The following NRXN3 variants were observed in gnomAD, a reference collection of about 807,000 sequenced individuals.
NRXN3 encodes the protein neurexin 3.
In NRXN3, 32 loss-of-function variants were observed where a neutral mutation model predicts 137.6. The ratio of observed to expected loss-of-function variants is 0.23; its 90% CI spans 0.18 to 0.31. The LOEUF is 0.31. NRXN3 is among the 10% of genes least tolerant of loss of function. The probability of loss-of-function intolerance (pLI) is 1.00; values close to 1 mark genes in which losing one functional copy is unlikely to be tolerated. For synonymous variants in NRXN3, 798 were observed against 784.5 expected, an observed-to-expected ratio of 1.02 and a Z score of -0.29; for missense variants, 1,574 against 2,062.5, an observed-to-expected ratio of 0.76 and a Z score of 4.59.
chr14:79,730,890 C>T (rs2098919648), intron 19 of NRXN3, among the ~76,000 whole-genome samples: 1 of 152,136 alleles, frequency 6.6e-6, no homozygotes, highest in African/African-American at 2.4e-5. Context: ...TATCTCATCT[C>T]CCTGTAAAGG....
chr14:79,437,857 C>T (rs2095868985), intron 15 of NRXN3, among the ~76,000 whole-genome samples: 1 of 152,148 alleles, frequency 6.6e-6, no homozygotes, highest in Non-Finnish European at 1.5e-5. Context: ...ATGCTGTCCT[C>T]AAATGTAAAA....
chr14:78,345,868 A>C (rs2082674648), intron 4 of NRXN3, among the ~76,000 whole-genome samples: 1 of 152,166 alleles, frequency 6.6e-6, no homozygotes, highest in South Asian at 2.1e-4. Context: ...GGAGGGAGCA[A>C]AGTGCTGCTT....
At chr14:78,426,614 A>G (rs962186614) in intron 4 of NRXN3, among the ~76,000 whole-genome samples, 1 of 152,122 alleles carries the variant, frequency 6.6e-6, no homozygotes. Flanking sequence ...GAGAAACTTG[A>G]TAGGGCAAAC....
intron 1 of NRXN3, among the ~76,000 whole-genome samples, chr14:78,215,845 A>G (rs1002764412): frequency 6.6e-6 from 1 of 151,854 alleles, no homozygotes; most frequent in East Asian, 2.0e-4. Context: ...TGGGTTCTGA[A>G]CTTTGACCCC....
intron 6 of NRXN3, among the ~76,000 whole-genome samples, chr14:78,676,439 T>C (rs1453707319): frequency 6.6e-6 from 1 of 152,092 alleles, no homozygotes; most frequent in African/African-American, 2.4e-5. Flanking sequence ...ATTTCCTTAA[T>C]CCAGAGCCTA....
rs186838532 is a variant in NRXN3, at chr14:79,535,914, T to A, written c.3444+68512T>A. ...ATGTGTGTATCCAGGATAGGCATTC[T>A]GTATTCAGTTACGTGTTGGAGTGCT... On this transcript the variant is annotated intron_variant, in intron 16 of 20. Transcript: ENST00000335750. Among the ~76,000 whole-genome samples the A allele has an allele frequency of 2.7e-3, 414 of 152,322 alleles. 1 individual carries two copies. Among genetic ancestry groups the A allele is most frequent in the African/African-American group, 9.7e-3 (404 of 41,582 alleles).
intron 15 of NRXN3, among the ~76,000 whole-genome samples, chr14:79,004,472 G>A (rs945388296): frequency 6.6e-6 from 1 of 152,082 alleles, no homozygotes; most frequent in African/African-American, 2.4e-5. Flanking sequence ...TCAAACTCTT[G>A]GATGCAAGTG....
At chr14:78,636,211 C>G (rs1344091771) in intron 4 of NRXN3, among the ~76,000 whole-genome samples, 1 of 152,100 alleles carries the variant, frequency 6.6e-6, no homozygotes, top group Non-Finnish European at 1.5e-5. Context: ...GAGCATGTGG[C>G]TTTTACTGCA....
At chr14:79,216,300 G>C (rs1361513781) in intron 15 of NRXN3, among the ~76,000 whole-genome samples, 3 of 152,256 alleles carry the variant, frequency 2.0e-5, no homozygotes, top group South Asian at 2.1e-4. Context: ...TCTGGAAAGG[G>C]AGCCTTCCAA....
intron 1 of NRXN3, among the ~76,000 whole-genome samples, chr14:78,221,163 A>C (rs1055571644): frequency 6.6e-6 from 1 of 152,150 alleles, no homozygotes; most frequent in Non-Finnish European, 1.5e-5. Context: ...ATGATTGACT[A>C]TGCAGCCTCT....
In NRXN3 at chr14:78,604,034, G is replaced by A. The variant is rs536797296; in HGVS notation, c.758-41086G>A. 2.0e-5 allele frequency among the ~76,000 whole-genome samples: 3 copies of A among 152,302 alleles called. No homozygotes were observed. The South Asian group carries it at 6.2e-4, about 32-fold the overall frequency. Reference sequence around the variant, plus strand: ...CTAGGGAGGCCTCACAATCACGACGGAAGATGAAGGAAGAGCAAAGGGATG... The same window carrying A: ...CTAGGGAGGCCTCACAATCACGACGAAAGATGAAGGAAGAGCAAAGGGATG... On this transcript the variant is annotated intron_variant, in intron 4 of 20. Transcript: ENST00000335750.
chr14:79,501,567 T>C (rs536426171), intron 16 of NRXN3, among the ~76,000 whole-genome samples: 3 of 152,236 alleles, frequency 2.0e-5, no homozygotes, highest in Non-Finnish European at 2.9e-5. Flanking sequence ...CACAGCCTGA[T>C]AGCTACAAAA....
chr14:78,862,255 GATAGATAGATAGATAA>G (rs2099074414), intron 10 of NRXN3, among the ~76,000 whole-genome samples: 1 of 151,794 alleles, frequency 6.6e-6, no homozygotes, highest in Non-Finnish European at 1.5e-5. Flanking sequence ...AAGATAGATA[GATAGATAGATAGATAA>G]ATAGATAGAT....
At chr14:78,799,628 T>C (rs1179339246) in intron 8 of NRXN3, among the ~76,000 whole-genome samples, 2 of 152,210 alleles carry the variant, frequency 1.3e-5, no homozygotes, top group Non-Finnish European at 2.9e-5. Flanking sequence ...TAGTCCATTT[T>C]CATGCTGCTG....
chr14:78,200,510 G>A (rs1010400831), intron 1 of NRXN3, among the ~76,000 whole-genome samples: 5 of 152,138 alleles, frequency 3.3e-5, no homozygotes, highest in Non-Finnish European at 2.9e-5. Flanking sequence ...CACTCTAGGG[G>A]TGGGACCCAG....
At chr14:78,579,511 A>C (rs1243107613) in intron 4 of NRXN3, among the ~76,000 whole-genome samples, 1 of 151,904 alleles carries the variant, frequency 6.6e-6, no homozygotes, top group Non-Finnish European at 1.5e-5. Context: ...GGTGTGATTA[A>C]GACACTTGGG....
At chr14:79,403,081 G>A (rs2095243947) in intron 15 of NRXN3, among the ~76,000 whole-genome samples, 1 of 152,112 alleles carries the variant, frequency 6.6e-6, no homozygotes, top group Non-Finnish European at 1.5e-5. Flanking sequence ...CATGTGCCAT[G>A]ATGTGGGAAT....
At chr14:78,437,309 T>A (rs529170434) in intron 4 of NRXN3, among the ~76,000 whole-genome samples, 1 of 152,142 alleles carries the variant, frequency 6.6e-6, no homozygotes, top group East Asian at 1.9e-4. Context: ...TTCTTAACAA[T>A]TATATGGTGG....
intron 15 of NRXN3, among the ~76,000 whole-genome samples, chr14:79,073,341 A>T (rs1038713823): frequency 6.6e-6 from 1 of 152,210 alleles, no homozygotes; most frequent in Non-Finnish European, 1.5e-5. Flanking sequence ...CATGGCATTG[A>T]GGCATCTAGA....
Sources: allele counts gnomAD v4.1 joint callset (sites outside exome capture counted in the v4.1 genomes callset), GRCh38; gene constraint gnomAD v4.1.1; transcripts MANE v1.5; gene names NCBI Gene and HGNC (gene_info 2026-07-23, HGNC 2026-07-21).